Variants in GRIK2 observed in about 807,000 individuals in gnomAD.
The protein encoded by GRIK2 is glutamate receptor ionotropic, kainate 2.
GRIK2 carries 32 observed loss-of-function variants against 100.3 expected under a neutral mutation model. The ratio of observed to expected loss-of-function variants is 0.32; its 90% confidence interval spans 0.24 to 0.43. The LOEUF (loss-of-function observed/expected upper bound fraction) is 0.43, where lower values mean the gene tolerates loss of function less well. Among genes scored for constraint, GRIK2 ranks in the 20% least tolerant of loss-of-function variants. The probability of loss-of-function intolerance (pLI) is 1.00; values close to 1 mark genes in which losing one functional copy is unlikely to be tolerated. For missense variants in GRIK2, 843 were observed against 1,114.9 expected, an observed-to-expected ratio of 0.76 and a Z score of 3.47; for synonymous variants, 417 against 389.4, an observed-to-expected ratio of 1.07 and a Z score of -0.83.
chr6:101,635,601 A>T (rs1446218347), intron 4 of GRIK2, among the ~76,000 whole-genome samples: 6 of 152,152 alleles, frequency 3.9e-5, no homozygotes, highest in African/African-American at 1.4e-4. Context: ...TTTGCAATCT[A>T]TCCATCTGAA....
intron 9 of GRIK2, among the ~76,000 whole-genome samples, chr6:101,810,977 C>T (rs2764232): frequency 0.27 from 41,066 of 151,872 alleles, 7,457 homozygotes; most frequent in East Asian, 0.67. Flanking sequence ...TTGCAGGAAA[C>T]ATCTTTCATA....
intron 10 of GRIK2, among the ~76,000 whole-genome samples, chr6:101,838,772 C>T (rs935139454): frequency 6.6e-6 from 1 of 151,954 alleles, no homozygotes; most frequent in African/African-American, 2.4e-5. Context: ...GTGCCTCAGC[C>T]TCCCAAGTAG....
chr6:101,870,751 A>G (rs1289013811), intron 11 of GRIK2, among the ~76,000 whole-genome samples: 1 of 151,872 alleles, frequency 6.6e-6, no homozygotes, highest in Non-Finnish European at 1.5e-5. Flanking sequence ...AAACTTATTA[A>G]CAGAGTTTTG....
chr6:101,692,315 A>G (rs1330501928), intron 7 of GRIK2, among the ~76,000 whole-genome samples: 1 of 152,114 alleles, frequency 6.6e-6, no homozygotes, highest in East Asian at 1.9e-4. Context: ...CTTATATTGC[A>G]CTAAATCACC....
chr6:101,766,587 T>C (rs1451518546), intron 7 of GRIK2, among the ~76,000 whole-genome samples: 1 of 152,208 alleles, frequency 6.6e-6, no homozygotes, highest in Admixed American at 6.5e-5. Flanking sequence ...CAGATAATTG[T>C]CAAACTGTGT....
intron 11 of GRIK2, among the ~76,000 whole-genome samples, chr6:101,885,584 T>C (rs536360485): frequency 2.0e-5 from 3 of 152,210 alleles, no homozygotes; most frequent in African/African-American, 4.8e-5. Flanking sequence ...AGCACATTTT[T>C]CCCTCATAAT....
At chr6:101,719,892 A>G (rs775485475) in intron 7 of GRIK2, among the ~76,000 whole-genome samples, 1 of 151,974 alleles carries the variant, frequency 6.6e-6, no homozygotes, top group Non-Finnish European at 1.5e-5. Context: ...AGCACAAGGT[A>G]TTCTGAGATT....
At chr6:101,408,871 C>T (rs1182407115) in intron 2 of GRIK2, among the ~76,000 whole-genome samples, 1 of 152,076 alleles carries the variant, frequency 6.6e-6, no homozygotes, top group African/African-American at 2.4e-5. Flanking sequence ...AATTAAACAT[C>T]ACCCAGATAA....
At chr6:101,401,401 CACAT>C (rs1325591264) in intron 2 of GRIK2, among the ~76,000 whole-genome samples, 3 of 152,136 alleles carry the variant, frequency 2.0e-5, no homozygotes, top group East Asian at 1.9e-4. Flanking sequence ...CACACGCACA[CACAT>C]ACACACACAC....
At chr6:101,655,272 G>A (rs192256913) in intron 4 of GRIK2, among the ~76,000 whole-genome samples, 22 of 152,236 alleles carry the variant, frequency 1.4e-4, no homozygotes, top group Admixed American at 1.4e-3. Context: ...AGAATTTCTG[G>A]TGGAGTAAGA....
chr6:101,994,299 C>T (rs1367774406), intron 14 of GRIK2, among the ~76,000 whole-genome samples: 15 of 151,354 alleles, frequency 9.9e-5, no homozygotes. Flanking sequence ...ATTTTATCTT[C>T]CTTTGTATTT....
At chr6:101,530,491 TC>T (rs1775386427) in intron 2 of GRIK2, among the ~76,000 whole-genome samples, 1 of 151,902 alleles carries the variant, frequency 6.6e-6, no homozygotes, top group African/African-American at 2.4e-5. Context: ...ACGAAAATAA[TC>T]TAGTTGGTGG....
intron 2 of GRIK2, among the ~76,000 whole-genome samples, chr6:101,491,910 C>CATAT (rs3057455): frequency 4.0e-5 from 6 of 150,832 alleles, no homozygotes; most frequent in Non-Finnish European, 7.4e-5. Flanking sequence ...TGTGTGTATA[C>CATAT]ATATATATAT....
At chr6:101,907,075 G>T (rs568324570) in intron 12 of GRIK2, among the ~76,000 whole-genome samples, 224 of 151,594 alleles carry the variant, frequency 1.5e-3, no homozygotes, top group Non-Finnish European at 2.7e-3. Flanking sequence ...AAATCTTCTG[G>T]ATATGATATT....
intron 10 of GRIK2, among the ~76,000 whole-genome samples, chr6:101,852,143 G>A (rs1176758338): frequency 6.6e-6 from 1 of 151,946 alleles, no homozygotes; most frequent in African/African-American, 2.4e-5. Context: ...CTTAGTCATG[G>A]GGATTGGCAA....
intron 2 of GRIK2, among the ~76,000 whole-genome samples, chr6:101,607,819 TTCA>T (rs929854916): frequency 6.6e-6 from 1 of 151,746 alleles, no homozygotes; most frequent in Admixed American, 6.6e-5. Context: ...GAATGTTACT[TTCA>T]TCATTCTTTT....
chr6:101,791,091 TCTC>T (rs988802449), intron 7 of GRIK2, among the ~76,000 whole-genome samples: 19 of 152,304 alleles, frequency 1.2e-4, no homozygotes, highest in African/African-American at 4.6e-4. Context: ...ATTTGATTCT[TCTC>T]TCTTTTTTTC....
intron 10 of GRIK2, among the ~76,000 whole-genome samples, chr6:101,833,604 C>T (rs1339206158): frequency 6.6e-6 from 1 of 152,048 alleles, no homozygotes; most frequent in Non-Finnish European, 1.5e-5. Context: ...AATTATTTTT[C>T]AAGAATGGGC....
At chr6:102,059,241 A>G (rs1008227981) in intron 16 of GRIK2, among the ~76,000 whole-genome samples, 1 of 151,296 alleles carries the variant, frequency 6.6e-6, no homozygotes, top group African/African-American at 2.4e-5. Context: ...GTGTATCATA[A>G]TTTTTATAAA....
Sources: allele counts gnomAD v4.1 joint callset (sites outside exome capture counted in the v4.1 genomes callset), GRCh38; gene constraint gnomAD v4.1.1; transcripts MANE v1.5; gene names NCBI Gene and HGNC (gene_info 2026-07-23, HGNC 2026-07-21).